CCDC181: variants seen among roughly 807,000 people sequenced by gnomAD.
The protein encoded by CCDC181 is coiled-coil domain containing 181.
Under a neutral mutation model 58.7 loss-of-function variants are expected in CCDC181, and 35 were observed. The observed-to-expected ratio is 0.60, with a 90% CI of 0.46 to 0.79. The LOEUF (loss-of-function observed/expected upper bound fraction) is 0.79, where lower values mean the gene tolerates loss of function less well. Ranked by LOEUF, CCDC181 falls within the 30% of genes least tolerant of loss-of-function variation. The pLI is 0.00. For synonymous variants in CCDC181, 183 were observed against 197.5 expected, an observed-to-expected ratio of 0.93 and a Z score of 0.62; for missense variants, 517 against 583.9, an observed-to-expected ratio of 0.89 and a Z score of 1.18.
Position 169,397,498 on chromosome 1 carries a change from A to G in CCDC181, c.1216-107T>C, listed in dbSNP as rs1571456432. 7.1e-6 allele frequency: 7 copies of G among 986,444 alleles called. No individual in the cohort carries two copies. The South Asian group carries it at 1.2e-4, about 17-fold the overall frequency. The allele number at this position is 986,444 out of a possible 1,614,324, so 61.1% of individuals were successfully genotyped here. ...TATATTTCCTACTCTTCAATTTTTC[A>G]TAATAATGCCAGCCTCATTACCTGC... On this transcript the variant is annotated intron_variant, in intron 4 of 5. Coordinates refer to ENST00000367806, the MANE Select transcript of CCDC181 (RefSeq NM_001300969.2).
chr1:169,409,153 A>G (rs1026834057), intron 4 of CCDC181, among the ~76,000 whole-genome samples: 2 of 152,254 alleles, frequency 1.3e-5, no homozygotes, highest in African/African-American at 2.4e-5. Context: ...AAAAGGTTAG[A>G]TGAGTTGCTA....
intron 1 of CCDC181, chr1:169,460,008 A>AT (rs1377294677): frequency 6.6e-6 from 1 of 152,036 alleles, no homozygotes; most frequent in Non-Finnish European, 1.5e-5. Flanking sequence ...AAATATTTAA[A>AT]TATTAAATAG....
chr1:169,421,128 G>C (rs1468850447), intron 3 of CCDC181, among the ~76,000 whole-genome samples: 2 of 152,148 alleles, frequency 1.3e-5, no homozygotes, highest in Admixed American at 1.3e-4. Flanking sequence ...TCATCACTGA[G>C]ATCTCCGCTA....
chr1:169,424,560 A>G (rs974211672), intron 2 of CCDC181, among the ~76,000 whole-genome samples: 2 of 151,734 alleles, frequency 1.3e-5, no homozygotes, highest in African/African-American at 2.4e-5. Flanking sequence ...TAATTTTATA[A>G]TGGTCACTTT....
intron 2 of CCDC181, among the ~76,000 whole-genome samples, chr1:169,440,448 C>T (rs997339962): frequency 6.6e-6 from 1 of 152,184 alleles, no homozygotes; most frequent in Non-Finnish European, 1.5e-5. Flanking sequence ...GTATGGGAGA[C>T]TGGAGTTTTA....
upstream of CCDC181, among the ~76,000 whole-genome samples, chr1:169,430,346 A>T (rs569712150): frequency 2.6e-4 from 39 of 151,982 alleles, no homozygotes; most frequent in Non-Finnish European, 5.0e-4. Context: ...TGGTATTTTG[A>T]TGGGAATTGC....
At chr1:169,434,841 TA>T (rs1217396526) in intron 2 of CCDC181, among the ~76,000 whole-genome samples, 3 of 152,018 alleles carry the variant, frequency 2.0e-5, no homozygotes, top group Non-Finnish European at 4.4e-5. Context: ...GAAAAAGTCA[TA>T]AAAACACAAT....
At chr1:169,399,911 CAGAT>C (rs1166693242) in intron 4 of CCDC181, among the ~76,000 whole-genome samples, 1 of 152,122 alleles carries the variant, frequency 6.6e-6, no homozygotes, top group Non-Finnish European at 1.5e-5. Context: ...GCTCATGAAA[CAGAT>C]AGGAGTCTGG....
chr1:169,410,374 G>A (rs1220353519), intron 4 of CCDC181, among the ~76,000 whole-genome samples: 2 of 152,112 alleles, frequency 1.3e-5, no homozygotes, highest in Non-Finnish European at 2.9e-5. Context: ...CAATACAGGA[G>A]CACCCAGATG....
intron 2 of CCDC181, among the ~76,000 whole-genome samples, chr1:169,422,923 C>T (rs1028368387): frequency 6.6e-6 from 1 of 151,198 alleles, no homozygotes; most frequent in Non-Finnish European, 1.5e-5. Context: ...ATAACTTGGC[C>T]TTAAATTAAA....
intron 2 of CCDC181, among the ~76,000 whole-genome samples, chr1:169,436,580 G>T (rs1344220776): frequency 6.6e-6 from 1 of 152,098 alleles, no homozygotes; most frequent in African/African-American, 2.4e-5. Context: ...AGACGACCTA[G>T]ACTAAAAGAA....
At chr1:169,418,720 G>T in intron 4 of CCDC181, 1 of 407,960 alleles carries the variant, frequency 2.5e-6, no homozygotes, top group East Asian at 3.9e-5. Context: ...GGGGGGGTGT[G>T]TGTGTATCTT....
intron 4 of CCDC181, among the ~76,000 whole-genome samples, chr1:169,407,789 G>A (rs1190370592): frequency 6.6e-6 from 1 of 152,180 alleles, no homozygotes; most frequent in Non-Finnish European, 1.5e-5. Flanking sequence ...GTGAGCCGAG[G>A]CAGGGTGAAG....
intron 4 of CCDC181, among the ~76,000 whole-genome samples, chr1:169,413,272 T>C (rs900893907): frequency 3.9e-5 from 6 of 152,310 alleles, no homozygotes; most frequent in African/African-American, 1.2e-4. Context: ...GAAAGAAAGG[T>C]CATCATCACT....
chr1:169,426,436 T>C (rs1309698154), intron 1 of CCDC181, among the ~76,000 whole-genome samples: 2 of 152,204 alleles, frequency 1.3e-5, no homozygotes, highest in Non-Finnish European at 2.9e-5. Context: ...GTAAACGGCT[T>C]AGACCAGCTC....
At chr1:169,400,599 AAAG>A (rs1161136198) in intron 4 of CCDC181, among the ~76,000 whole-genome samples, 1 of 152,164 alleles carries the variant, frequency 6.6e-6, no homozygotes, top group Non-Finnish European at 1.5e-5. Flanking sequence ...TGAATATAAA[AAAG>A]GTCTAATATG....
intron 4 of CCDC181, among the ~76,000 whole-genome samples, chr1:169,415,223 C>T (rs2102075343): frequency 6.6e-6 from 1 of 152,278 alleles, no homozygotes; most frequent in East Asian, 1.9e-4. Flanking sequence ...GCCTGAAGGC[C>T]CATCATCGTC....
At position 169,397,389 on chromosome 1, in the gene CCDC181, C is replaced by T; in HGVS notation, c.1218G>A (p.Gln406=). ...AAGCTTGTTGTGGATCTCTGTTTTC[C>T]TGCTGATTAGAAAAACAAGCTTTAC... ...AKEIEDMNSR[Q]ENRDPQQAFR... The change falls in exon 5 of 6, where the codon CAG becomes CAA. Residue 406 remains glutamine (Q), a splice_region_variant and synonymous_variant. Coordinates refer to ENST00000367806, the MANE Select transcript of CCDC181 (RefSeq NM_001300969.2). 1 of 1,594,908 alleles carries T rather than the reference C, an allele frequency of 6.3e-7. No individual in the cohort carries two copies. The highest frequency in any genetic ancestry group is 8.5e-7 in the Non-Finnish European group (1 of 1,172,150).
intron 2 of CCDC181, among the ~76,000 whole-genome samples, chr1:169,448,414 T>A (rs1657439954): frequency 6.6e-6 from 1 of 152,108 alleles, no homozygotes; most frequent in Non-Finnish European, 1.5e-5. Context: ...GAGAAAGTAA[T>A]TTTTCTTCAC....
Sources: allele counts gnomAD v4.1 joint callset (sites outside exome capture counted in the v4.1 genomes callset), GRCh38; gene constraint gnomAD v4.1.1; transcripts MANE v1.5; gene names NCBI Gene and HGNC (gene_info 2026-07-23, HGNC 2026-07-21).